AGAP1: variants seen among roughly 807,000 people sequenced by gnomAD.
AGAP1 encodes the protein arf-GAP with GTPase, ANK repeat and PH domain-containing protein 1.
AGAP1 carries 29 observed loss-of-function variants against 105.3 expected under a neutral mutation model. That is an observed-to-expected ratio of 0.28 (90% CI 0.21 to 0.38). AGAP1 has a LOEUF of 0.38. AGAP1 is among the 10% of genes least tolerant of loss of function. The pLI is 1.00. For synonymous variants in AGAP1, 509 were observed against 485.9 expected, an observed-to-expected ratio of 1.05 and a Z score of -0.63; for missense variants, 998 against 1,165.1, an observed-to-expected ratio of 0.86 and a Z score of 2.09.
rs1430274605 is a variant in AGAP1 at position 235,638,575 on chromosome 2, C to A, written c.164-70604C>A. Among the ~76,000 whole-genome samples the A allele has an allele frequency of 5.4e-4, 82 of 152,138 alleles. 1 individual carries two copies. The highest frequency in any genetic ancestry group is 5.4e-3 in the Admixed American group (82 of 15,278). On this transcript the variant is annotated intron_variant, in intron 1 of 17. Coordinates refer to ENST00000304032, the MANE Select transcript of AGAP1 (RefSeq NM_001037131.3). The stretch of plus-strand genomic sequence containing the variant: ...AAGCTCAGTTTTGTATTTAAAAACC[C>A]TCAAAACTGTATATATGCCCAGAAA...
Position 235,732,369 on chromosome 2 carries a change from C to T in AGAP1, c.311-8594C>T, listed in dbSNP as rs547482312. On this transcript the variant is annotated intron_variant, in intron 3 of 17. Transcript: ENST00000304032. The surrounding 1 kb of genome is among the most constrained non-coding windows in gnomAD (Gnocchi z 4.8). The stretch of plus-strand genomic sequence containing the variant: ...CCTTACTTTTTCTAATTTTATTCAT[C>T]AGTTCCCCAAATGCCGTTTTGATCC... Among the ~76,000 whole-genome samples the T allele has an allele frequency of 1.3e-5, 2 of 152,298 alleles. No individual in the cohort carries two copies. The highest frequency in any genetic ancestry group is 4.8e-5 in the African/African-American group (2 of 41,568).
chr2:235,646,291 T>G (rs1274865179), intron 1 of AGAP1, among the ~76,000 whole-genome samples: 2 of 140,936 alleles, frequency 1.4e-5, no homozygotes, highest in African/African-American at 2.6e-5. Flanking sequence ...AAAAAAAGGT[T>G]GTTTTGTTTG....
Position 235,720,596 on chromosome 2 carries a change from A to G in AGAP1, c.310+2952A>G, listed in dbSNP as rs971951236. On this transcript the variant is annotated intron_variant, in intron 3 of 17. Transcript: ENST00000304032. The surrounding 1 kb of genome is among the most constrained non-coding windows in gnomAD (Gnocchi z 5.0). Reference sequence around the variant, plus strand: ...CCTCTTACAACTGCTAGAGCGATCAACTGGGCAGCTACTTTGAATGAAAGG... The same window carrying G: ...CCTCTTACAACTGCTAGAGCGATCAGCTGGGCAGCTACTTTGAATGAAAGG... 2 of 903,060 alleles carry G rather than the reference A, an allele frequency of 2.2e-6. No homozygotes were observed. The highest frequency in any genetic ancestry group is 6.2e-5 in the Admixed American group (1 of 16,166). 55.9% of individuals were successfully genotyped at this position (903,060 alleles called of 1,614,324 possible).
chr2:235,853,244 A>G (rs1271970184), intron 9 of AGAP1: 1 of 1,003,090 alleles, frequency 1.0e-6, no homozygotes, highest in Non-Finnish European at 1.2e-6. Flanking sequence ...GGATGAGAGA[A>G]AAACGGGGTA....
rs887323617 is a variant in AGAP1, at chr2:236,109,808, G to A, written c.2115-10384G>A. On this transcript the variant is annotated intron_variant, in intron 16 of 17. Coordinates refer to ENST00000304032, the MANE Select transcript of AGAP1 (RefSeq NM_001037131.3). The surrounding 1 kb of genome is among the most constrained non-coding windows in gnomAD (Gnocchi z 5.4). ...TTAATGTTATTTTGTTTCAATTCACGTCAACACCCACGGGCAGCTTACAGC... is the reference window on the plus strand; with the variant it reads ...TTAATGTTATTTTGTTTCAATTCACATCAACACCCACGGGCAGCTTACAGC... 7.2e-5 allele frequency among the ~76,000 whole-genome samples: 11 copies of A among 152,228 alleles called. No individual in the cohort carries two copies. The highest frequency in any genetic ancestry group is 3.8e-4 in the East Asian group (2 of 5,196).
In AGAP1 at chr2:235,960,218, G is replaced by A. The variant is rs1051350178; in HGVS notation, c.1484-8244G>A. Among the ~76,000 whole-genome samples the A allele has an allele frequency of 2.0e-5, 3 of 152,178 alleles. No homozygotes were observed. The highest frequency in any genetic ancestry group is 2.1e-4 in the South Asian group (1 of 4,836). On this transcript the variant is annotated intron_variant, in intron 12 of 17. Transcript: ENST00000304032. The surrounding 1 kb of genome is among the most constrained non-coding windows in gnomAD (Gnocchi z 4.9). ...CCAGGATCACAGGTGCTTTGCACAC[G>A]TCAGTTACTCGAGTCATAGCCTCCT...
At chr2:236,017,494 C>T (rs2056746833) in intron 13 of AGAP1, among the ~76,000 whole-genome samples, 1 of 151,948 alleles carries the variant, frequency 6.6e-6, no homozygotes, top group Non-Finnish European at 1.5e-5. Context: ...ATATCCATCC[C>T]CAAGTGGAGT....
chr2:235,668,601 T>C (rs1948209197), intron 1 of AGAP1, among the ~76,000 whole-genome samples: 1 of 152,230 alleles, frequency 6.6e-6, no homozygotes, highest in Non-Finnish European at 1.5e-5. Flanking sequence ...TCTGAAACAA[T>C]ACATCTGTGT....
intron 6 of AGAP1, among the ~76,000 whole-genome samples, chr2:235,796,723 T>C (rs1957260864): frequency 1.3e-5 from 2 of 152,210 alleles, no homozygotes; most frequent in African/African-American, 4.8e-5. Context: ...TATAACCTAT[T>C]GCTGGGGAGA....
At chr2:235,670,355 C>A in intron 1 of AGAP1, 1 of 523,524 alleles carries the variant, frequency 1.9e-6, no homozygotes, top group East Asian at 3.7e-5. Flanking sequence ...GGAGGGTCCC[C>A]GGCCGCGCGC....
chr2:235,740,906 C>A lies in AGAP1; in HGVS notation c.311-57C>A. The stretch of plus-strand genomic sequence containing the variant: ...TTCCACAAGCGAAGCCCACGTCTGT[C>A]TGCCCTCCTCACTCTCTGTTGTTCT... On this transcript the variant is annotated intron_variant, in intron 3 of 17. Transcript: ENST00000304032. This position sits in a 1 kb window ranked among gnomAD's most constrained non-coding sequence, Gnocchi z 5.7. 6.2e-7 allele frequency: 1 copy of A among 1,608,242 alleles called. No homozygotes were observed. The highest frequency in any genetic ancestry group is 1.1e-5 in the South Asian group (1 of 90,612).
chr2:235,842,297 T>G lies in AGAP1; in HGVS notation c.1050+34966T>G, dbSNP rs1559551816. Among the ~76,000 whole-genome samples the G allele has an allele frequency of 6.6e-6, 1 of 152,248 alleles. No homozygotes were observed. The highest frequency in any genetic ancestry group is 1.5e-5 in the Non-Finnish European group (1 of 68,042). Reference sequence around the variant, plus strand: ...CTGACTTCGACTGAAAGTTAACGTTTCCTTCAGATATGAATGTAGGCAACG... The same window carrying G: ...CTGACTTCGACTGAAAGTTAACGTTGCCTTCAGATATGAATGTAGGCAACG... On this transcript the variant is annotated intron_variant, in intron 9 of 17. Transcript: ENST00000304032. The surrounding 1 kb of genome is among the most constrained non-coding windows in gnomAD (Gnocchi z 5.3).
rs1576156932 is a variant in AGAP1, at chr2:236,044,693, A to G, written c.1891+3852A>G. Among the ~76,000 whole-genome samples, 1 of 150,770 alleles carries G rather than the reference A, an allele frequency of 6.6e-6. No individual in the cohort carries two copies. The highest frequency in any genetic ancestry group is 6.6e-5 in the Admixed American group (1 of 15,146). The stretch of plus-strand genomic sequence containing the variant: ...ATCTTTAGCTTGGCCCACAAATAGA[A>G]CCTCCGGTCCCGCAACGTCGGGTCT... On this transcript the variant is annotated intron_variant, in intron 15 of 17. Transcript: ENST00000304032. The surrounding 1 kb of genome is among the most constrained non-coding windows in gnomAD (Gnocchi z 5.7).
At position 235,586,604 on chromosome 2, in the gene AGAP1, TG is replaced by T. The variant is rs1344483438; in HGVS notation, c.163+91757del. On this transcript the variant is annotated intron_variant, in intron 1 of 17. Transcript: ENST00000304032. This position sits in a 1 kb window ranked among gnomAD's most constrained non-coding sequence, Gnocchi z 4.2. ...AAGGCCCTTGCAGGCTGAGGTCTCT[TG>T]GTGATAATCCACACACTGTCCTGGG... Among the ~76,000 whole-genome samples, 1 of 152,242 alleles carries T rather than the reference TG, an allele frequency of 6.6e-6. No homozygotes were observed. Among genetic ancestry groups the T allele is most frequent in the Non-Finnish European group, 1.5e-5 (1 of 68,042 alleles).
intron 1 of AGAP1, among the ~76,000 whole-genome samples, chr2:235,669,241 G>A (rs1226032742): frequency 2.0e-5 from 3 of 152,178 alleles, no homozygotes; most frequent in African/African-American, 7.2e-5. Context: ...GTTCCTAGGT[G>A]AGGTTGGCGG....
intron 9 of AGAP1, among the ~76,000 whole-genome samples, chr2:235,859,400 C>G (rs796494360): frequency 1.1e-4 from 9 of 85,704 alleles, no homozygotes; most frequent in African/African-American, 1.9e-4. Context: ...ACCTCCCCCC[C>G]CCCCCCCGCC....
In AGAP1 at chr2:235,843,307, C is replaced by T. The variant is rs1199443873; in HGVS notation, c.1050+35976C>T. ...CTGCTTGCTGCCTCCCCTTTCTCAC[C>T]CACACAATTCTTTCCTTCCCTCCCT... On this transcript the variant is annotated intron_variant, in intron 9 of 17. Coordinates refer to ENST00000304032, the MANE Select transcript of AGAP1 (RefSeq NM_001037131.3). This position sits in a 1 kb window ranked among gnomAD's most constrained non-coding sequence, Gnocchi z 5.9. Among the ~76,000 whole-genome samples the T allele has an allele frequency of 6.6e-6, 1 of 152,114 alleles. No individual in the cohort carries two copies. Among genetic ancestry groups the T allele is most frequent in the African/African-American group, 2.4e-5 (1 of 41,416 alleles).
At position 235,887,155 on chromosome 2, in the gene AGAP1, A is replaced by G. The variant is rs1338292656; in HGVS notation, c.1155+3706A>G. The stretch of plus-strand genomic sequence containing the variant: ...AGATGATCTCAGTTAAACACGGACC[A>G]TGCTGTGACACCCACATCCTTGGCT... On this transcript the variant is annotated intron_variant, in intron 10 of 17. Coordinates refer to ENST00000304032, the MANE Select transcript of AGAP1 (RefSeq NM_001037131.3). This position sits in a 1 kb window ranked among gnomAD's most constrained non-coding sequence, Gnocchi z 4.1. 1.3e-5 allele frequency among the ~76,000 whole-genome samples: 2 copies of G among 152,214 alleles called. No individual in the cohort carries two copies. The highest frequency in any genetic ancestry group is 3.9e-4 in the East Asian group (2 of 5,192).
chr2:235,921,327 A>G (rs1326734269), intron 11 of AGAP1, among the ~76,000 whole-genome samples: 1 of 152,236 alleles, frequency 6.6e-6, no homozygotes, highest in African/African-American at 2.4e-5. Context: ...GTATAAAGTT[A>G]TATCTTTTCT....
Sources: gnomAD v4.1 joint callset for allele counts (sites outside exome capture counted in the v4.1 genomes callset) on GRCh38, gnomAD v4.1.1 for gene constraint, Gnocchi (gnomAD v3.1) non-coding constraint, MANE v1.5 for transcripts, NCBI Gene and HGNC (gene_info 2026-07-23, HGNC 2026-07-21) for gene names.